The following ZNF536 variants were observed in gnomAD, a reference collection of about 807,000 sequenced individuals.
ZNF536 encodes zinc finger protein 536.
ZNF536 carries 13 observed loss-of-function variants against 84.5 expected under a neutral mutation model. That is an observed-to-expected ratio of 0.15 (90% CI 0.10 to 0.24). The LOEUF (loss-of-function observed/expected upper bound fraction) is 0.24, where lower values mean the gene tolerates loss of function less well. Among genes scored for constraint, ZNF536 ranks in the 10% least tolerant of loss-of-function variants. The pLI is 1.00. For synonymous variants in ZNF536, 811 were observed against 742.5 expected, an observed-to-expected ratio of 1.09 and a Z score of -1.50; for missense variants, 1,536 against 1,747.5, an observed-to-expected ratio of 0.88 and a Z score of 2.16.
intron 1 of ZNF536, among the ~76,000 whole-genome samples, chr19:30,614,026 C>T (rs1047034461): frequency 6.6e-6 from 1 of 152,122 alleles, no homozygotes; most frequent in African/African-American, 2.4e-5. Context: ...CCATGCCCAG[C>T]TAATTTTTGT....
At chr19:30,624,676 TG>T (rs2048610349) in intron 1 of ZNF536, among the ~76,000 whole-genome samples, 1 of 152,202 alleles carries the variant, frequency 6.6e-6, no homozygotes, top group Non-Finnish European at 1.5e-5. Flanking sequence ...GGAGCAGGGC[TG>T]ATTTGGGCTC....
At chr19:30,422,534 G>C (rs1002967915) in intron 1 of ZNF536, among the ~76,000 whole-genome samples, 3 of 152,152 alleles carry the variant, frequency 2.0e-5, no homozygotes, top group Admixed American at 6.5e-5. Flanking sequence ...GTGGCCTACT[G>C]TGTTCTTCCT....
chr19:30,476,481 A>G (rs1392492136), intron 2 of ZNF536, among the ~76,000 whole-genome samples: 1 of 152,246 alleles, frequency 6.6e-6, no homozygotes, highest in Non-Finnish European at 1.5e-5. Flanking sequence ...CACACACTGC[A>G]TATAATTCGA....
intron 2 of ZNF536, among the ~76,000 whole-genome samples, chr19:30,529,084 C>T (rs745425512): frequency 6.6e-5 from 10 of 151,926 alleles, no homozygotes. Context: ...ATTAGGGACC[C>T]GGGAGGAAAA....
At chr19:30,663,751 A>G (rs1302784305) in intron 1 of ZNF536, among the ~76,000 whole-genome samples, 1 of 152,234 alleles carries the variant, frequency 6.6e-6, no homozygotes, top group African/African-American at 2.4e-5. Context: ...AGAATGGTGA[A>G]ATTAACATTA....
intron 2 of ZNF536, among the ~76,000 whole-genome samples, chr19:30,325,300 CT>C (rs2046987836): frequency 6.6e-6 from 1 of 152,234 alleles, no homozygotes; most frequent in African/African-American, 2.4e-5. Flanking sequence ...GGGGCCAGTT[CT>C]CCCCCTCAGC....
intron 2 of ZNF536, among the ~76,000 whole-genome samples, chr19:30,496,647 G>A (rs1458386560): frequency 1.4e-4 from 21 of 152,158 alleles, no homozygotes; most frequent in Non-Finnish European, 1.5e-5. Flanking sequence ...GTTGGGGGAA[G>A]GAAATGACAT....
At chr19:30,473,910 T>G (rs143633450) in intron 2 of ZNF536, among the ~76,000 whole-genome samples, 190 of 152,352 alleles carry the variant, frequency 1.2e-3, no homozygotes, top group African/African-American at 4.4e-3. Flanking sequence ...TTGTGTGGCC[T>G]TCAGCAAGAT....
chr19:30,295,530 G>A (rs1005725728), intron 2 of ZNF536, among the ~76,000 whole-genome samples: 10 of 152,166 alleles, frequency 6.6e-5, no homozygotes, highest in African/African-American at 2.2e-4. Context: ...CAAATTTCCA[G>A]GCAATGCTGT....
At chr19:30,226,531 G>A (rs2022623871), upstream of ZNF536, among the ~76,000 whole-genome samples, 11 of 152,040 alleles carry the variant, frequency 7.2e-5, no homozygotes, top group Admixed American at 7.2e-4. This position sits in a 1 kb window ranked among gnomAD's most constrained non-coding sequence, Gnocchi z 4.6. Flanking sequence ...GGCTGAGGCC[G>A]GAGAGTTGGT....
intron 1 of ZNF536, among the ~76,000 whole-genome samples, chr19:30,673,229 G>A (rs2050626525): frequency 6.6e-6 from 1 of 152,186 alleles, no homozygotes; most frequent in Non-Finnish European, 1.5e-5. Flanking sequence ...TATGAGACAT[G>A]AAATAGTGAC....
chr19:30,315,323 G>T lies in ZNF536; in HGVS notation c.-120+31182G>T, dbSNP rs577345658. On this transcript the variant is annotated intron_variant, in intron 2 of 5. Coordinates refer to the ZNF536 transcript ENST00000585628. The stretch of plus-strand genomic sequence containing the variant: ...GGCATAGTGAAAGGAGTTATTGAGA[G>T]TAGGGAGGCGAAGGCTTCCTGGAGG... Among the ~76,000 whole-genome samples the T allele has an allele frequency of 1.1e-4, 16 of 152,338 alleles. 2 individuals are homozygous for T. In the South Asian group the frequency reaches 3.3e-3, roughly 32 times the overall value.
intron 2 of ZNF536, among the ~76,000 whole-genome samples, chr19:30,492,203 A>G (rs982550474): frequency 6.6e-6 from 1 of 152,208 alleles, no homozygotes; most frequent in Non-Finnish European, 1.5e-5. Flanking sequence ...CATGTAAATA[A>G]TATGTGTGTT....
intron 1 of ZNF536, among the ~76,000 whole-genome samples, chr19:30,639,418 A>G (rs1466562176): frequency 1.3e-5 from 2 of 152,194 alleles, no homozygotes; most frequent in Non-Finnish European, 2.9e-5. Context: ...AGTCTTGGAA[A>G]TCCAGTGAGT....
chr19:30,703,238 C>T (rs984681067), intron 1 of ZNF536, among the ~76,000 whole-genome samples: 4 of 152,184 alleles, frequency 2.6e-5, no homozygotes, highest in Non-Finnish European at 4.4e-5. Flanking sequence ...AGAGAAGTCT[C>T]CTGTGGCCAG....
intron 1 of ZNF536, among the ~76,000 whole-genome samples, chr19:30,608,468 A>T (rs2047974106): frequency 6.6e-6 from 1 of 152,198 alleles, no homozygotes; most frequent in Non-Finnish European, 1.5e-5. Flanking sequence ...TCTGGACACG[A>T]ATCCACCAGA....
At chr19:30,430,035 G>T (rs2051382238) in intron 1 of ZNF536, among the ~76,000 whole-genome samples, 2 of 151,900 alleles carry the variant, frequency 1.3e-5, no homozygotes, top group African/African-American at 4.8e-5. Flanking sequence ...CTTTATGGAG[G>T]GTGTGAAGGG....
intron 1 of ZNF536, among the ~76,000 whole-genome samples, chr19:30,606,040 A>G (rs1394854011): frequency 6.6e-6 from 1 of 151,820 alleles, no homozygotes; most frequent in East Asian, 1.9e-4. Flanking sequence ...TCACCAGCAA[A>G]TTGAAAGAGC....
rs573924867 is a variant in ZNF536, at chr19:30,311,743, T to C, written c.-120+27602T>C. On this transcript the variant is annotated intron_variant, in intron 2 of 5. Coordinates refer to the ZNF536 transcript ENST00000585628. ...GTTGAAGGTGCTAGTTATGTTTCCC[T>C]GAGTCACATTAAAGTAAATGCAAGT... Among the ~76,000 whole-genome samples, 14 of 152,272 alleles carry C rather than the reference T, an allele frequency of 9.2e-5. No individual in the cohort carries two copies. The South Asian group carries it at 2.7e-3, about 29-fold the overall frequency.
Sources: allele counts gnomAD v4.1 joint callset (sites outside exome capture counted in the v4.1 genomes callset), GRCh38; gene constraint gnomAD v4.1.1; non-coding constraint Gnocchi (gnomAD v3.1); transcripts MANE v1.5; gene names NCBI Gene and HGNC (gene_info 2026-07-23, HGNC 2026-07-21).